The following PHIP variants were observed in gnomAD, a reference collection of about 807,000 sequenced individuals.
The protein encoded by PHIP is PHIP subunit of CUL4-Ring ligase complex.
Under a neutral mutation model 236.8 loss-of-function variants are expected in PHIP, and 54 were observed. That is an observed-to-expected ratio of 0.23 (90% CI 0.18 to 0.29). The LOEUF is 0.29. PHIP is among the 10% of genes least tolerant of loss of function. The pLI, the probability that PHIP is intolerant of heterozygous loss-of-function variation, is 1.00. For missense variants in PHIP, 1,370 were observed against 2,190.8 expected (o/e 0.63, Z 7.48); for synonymous variants, 756 against 718.9 (o/e 1.05, Z -0.83).
At chr6:79,064,349 C>G (rs1773520206) in intron 4 of PHIP, among the ~76,000 whole-genome samples, 1 of 152,252 alleles carries the variant, frequency 6.6e-6, no homozygotes, top group Middle Eastern at 3.4e-3. Context: ...ACCTCCCCAC[C>G]CAAATATCCT....
intron 21 of PHIP, among the ~76,000 whole-genome samples, chr6:78,987,971 T>A (rs1029550891): frequency 2.0e-5 from 3 of 152,166 alleles, no homozygotes; most frequent in African/African-American, 2.4e-5. Context: ...AGCCTCAGAA[T>A]CCTTATCTAT....
At position 78,935,683 on chromosome 6, in the gene PHIP, C is replaced by A; in HGVS notation, c.*5010G>T. On this transcript the variant is annotated 3_prime_UTR_variant, in exon 40 of 40. Coordinates refer to ENST00000275034, the MANE Select transcript of PHIP (RefSeq NM_017934.7). ...ATTTCGGCACCCAAATATCTTTTAA[C>A]TGACAGTTTTCACACTTTGCAAAAC... The A allele has an allele frequency of 1.0e-6, 1 of 984,452 alleles. No individual in the cohort carries two copies. Among genetic ancestry groups the A allele is most frequent in the Non-Finnish European group, 1.2e-6 (1 of 829,106 alleles). The allele number at this position is 984,452 out of a possible 1,614,324, so 61.0% of individuals were successfully genotyped here.
chr6:78,982,813 A>C, intron 23 of PHIP, 73 bp downstream of exon 23: 1 of 847,042 alleles, frequency 1.2e-6, no homozygotes. Flanking sequence ...GTTTGTGATC[A>C]ATTGTACTTC....
At chr6:78,985,313 T>C in intron 22 of PHIP, 39 bp downstream of exon 22, 1 of 1,149,962 alleles carries the variant, frequency 8.7e-7, no homozygotes, top group Non-Finnish European at 1.3e-6. Context: ...TTCTAAAGAC[T>C]TTATATAACA....
chr6:78,954,712 G>A, intron 35 of PHIP, 102 bp downstream of exon 35: 1 of 731,030 alleles, frequency 1.4e-6, no homozygotes, highest in Non-Finnish European at 2.2e-6. Context: ...AAATAATAAA[G>A]AAATAAACTA....
chr6:79,042,055 A>C (rs1772245527), intron 7 of PHIP, among the ~76,000 whole-genome samples: 1 of 152,076 alleles, frequency 6.6e-6, no homozygotes, highest in African/African-American at 2.4e-5. Context: ...TTCTTATTTC[A>C]AAAGAAATTA....
At chr6:79,075,951 AAATT>A (rs1774138798) in intron 4 of PHIP, among the ~76,000 whole-genome samples, 1 of 152,224 alleles carries the variant, frequency 6.6e-6, no homozygotes, top group Admixed American at 6.5e-5. Flanking sequence ...GTAAACCTAA[AAATT>A]AATTTCAAAT....
chr6:79,044,161 T>C (rs2127761199), intron 6 of PHIP, among the ~76,000 whole-genome samples: 1 of 152,246 alleles, frequency 6.6e-6, no homozygotes, highest in African/African-American at 2.4e-5. Context: ...TACAGGTTCC[T>C]AAGCAGTAAT....
At chr6:78,957,552 T>C in intron 32 of PHIP, 1 of 150,220 alleles carries the variant, frequency 6.7e-6, no homozygotes. Context: ...TTATGTCCAT[T>C]AATGAGAATG....
At chr6:79,019,778 C>T (rs1771021222) in intron 9 of PHIP, among the ~76,000 whole-genome samples, 1 of 152,076 alleles carries the variant, frequency 6.6e-6, no homozygotes, top group South Asian at 2.1e-4. Context: ...TTACACACAG[C>T]TGTATTTACA....
intron 4 of PHIP, among the ~76,000 whole-genome samples, chr6:79,072,283 T>C (rs972506802): frequency 1.3e-5 from 2 of 152,332 alleles, no homozygotes; most frequent in Non-Finnish European, 2.9e-5. Context: ...ATTCAGGATA[T>C]GTCAACCACC....
At chr6:78,947,334 T>C (rs888249735) in intron 36 of PHIP, among the ~76,000 whole-genome samples, 1 of 152,190 alleles carries the variant, frequency 6.6e-6, no homozygotes, top group Admixed American at 6.5e-5. Flanking sequence ...ACAAGGCAGA[T>C]AATAGCTAGA....
intron 6 of PHIP, among the ~76,000 whole-genome samples, chr6:79,059,082 AGAT>A (rs903169036): frequency 2.0e-5 from 3 of 152,150 alleles, no homozygotes; most frequent in Non-Finnish European, 4.4e-5. Context: ...AAAAAATCAT[AGAT>A]GATTACCCAC....
chr6:78,999,696 G>A (rs1769861783), intron 17 of PHIP, among the ~76,000 whole-genome samples: 1 of 151,860 alleles, frequency 6.6e-6, no homozygotes, highest in African/African-American at 2.4e-5. Flanking sequence ...TTTTAGGGTG[G>A]GCTTAAATGG....
intron 4 of PHIP, among the ~76,000 whole-genome samples, chr6:79,073,956 C>T (rs2127781825): frequency 6.6e-6 from 1 of 152,222 alleles, no homozygotes; most frequent in Middle Eastern, 3.4e-3. Context: ...ACTGCTATTT[C>T]TAGTTCAAAA....
chr6:79,076,726 T>C (rs1000346649), intron 4 of PHIP, among the ~76,000 whole-genome samples: 1 of 152,108 alleles, frequency 6.6e-6, no homozygotes, highest in South Asian at 2.1e-4. Context: ...TAATTTTTAA[T>C]TAAACGAGAG....
intron 4 of PHIP, among the ~76,000 whole-genome samples, chr6:79,069,176 TTTA>T (rs1054360811): frequency 1.4e-5 from 2 of 148,080 alleles, no homozygotes; most frequent in East Asian, 1.9e-4. Context: ...TTAATTATAT[TTTA>T]TTATTTATAA....
At chr6:79,012,576 CAACTT>C (rs1456087272) in intron 15 of PHIP, among the ~76,000 whole-genome samples, 1 of 151,660 alleles carries the variant, frequency 6.6e-6, no homozygotes, top group Non-Finnish European at 1.5e-5. Context: ...ATTACTACTA[CAACTT>C]AACATTAGGG....
At chr6:78,971,137 T>C (rs990114482) in intron 24 of PHIP, among the ~76,000 whole-genome samples, 7 of 152,268 alleles carry the variant, frequency 4.6e-5, no homozygotes, top group Non-Finnish European at 8.8e-5. Context: ...GGTTTCACCA[T>C]TTTATTCTTA....
Sources: allele counts gnomAD v4.1 joint callset (sites outside exome capture counted in the v4.1 genomes callset), GRCh38; gene constraint gnomAD v4.1.1; transcripts MANE v1.5; gene names NCBI Gene and HGNC (gene_info 2026-07-23, HGNC 2026-07-21).